Variants in VWA8 observed in about 807,000 individuals in gnomAD.
VWA8 encodes the protein von Willebrand factor A domain-containing protein 8.
A neutral mutation model predicts 241.5 loss-of-function variants in VWA8; 221 were observed. The observed-to-expected ratio is 0.91, with a 90% CI of 0.82 to 1.02. The LOEUF (loss-of-function observed/expected upper bound fraction) is 1.02. VWA8 is among the 50% of genes least tolerant of loss of function. The pLI, the probability that VWA8 is intolerant of heterozygous loss-of-function variation, is 0.00. For missense variants in VWA8, 2,322 were observed against 2,328.7 expected, an observed-to-expected ratio of 1.00 and a Z score of 0.06; for synonymous variants, 852 against 827.1, an observed-to-expected ratio of 1.03 and a Z score of -0.52.
At chr13:41,697,585 T>A (rs1352505196) in intron 29 of VWA8, among the ~76,000 whole-genome samples, 1 of 152,146 alleles carries the variant, frequency 6.6e-6, no homozygotes, top group Non-Finnish European at 1.5e-5. Flanking sequence ...TCATCAGGCA[T>A]TAGATTCTTA....
intron 19 of VWA8, among the ~76,000 whole-genome samples, chr13:41,781,255 T>C (rs1376724936): frequency 2.0e-5 from 3 of 152,104 alleles, no homozygotes; most frequent in African/African-American, 7.2e-5. Context: ...TTGGCACTCT[T>C]CCACTTGCAA....
At chr13:41,723,413 C>T (rs1486858247) in intron 24 of VWA8, among the ~76,000 whole-genome samples, 1 of 152,176 alleles carries the variant, frequency 6.6e-6, no homozygotes, top group Non-Finnish European at 1.5e-5. Context: ...CTGTGGCAGG[C>T]TAACTTGTTA....
intron 26 of VWA8, among the ~76,000 whole-genome samples, chr13:41,716,945 G>A (rs1297027530): frequency 6.6e-6 from 1 of 151,518 alleles, no homozygotes; most frequent in Non-Finnish European, 1.5e-5. Flanking sequence ...CTTTTTGGCG[G>A]TCTATGTGAT....
chr13:41,637,257 T>A (rs2044764474), intron 37 of VWA8, among the ~76,000 whole-genome samples: 1 of 151,534 alleles, frequency 6.6e-6, no homozygotes, highest in Non-Finnish European at 1.5e-5. Context: ...GTTCATGTCC[T>A]TTGTAGGGAC....
Position 41,841,861 on chromosome 13 carries a change from A to ATATATATG in VWA8, c.1426-8331_1426-8330insCATATATA, listed in dbSNP as rs1566478213. ...TATATATATATATATATATATATAA[A>ATATATATG]AACAGTAGACATTTAATATTTTTTC... On this transcript the variant is annotated intron_variant, in intron 12 of 44. Coordinates refer to ENST00000379310, the MANE Select transcript of VWA8 (RefSeq NM_015058.2). 5.7e-5 allele frequency among the ~76,000 whole-genome samples: 5 copies of ATATATATG among 87,024 alleles called. 1 individual carries two copies. The highest frequency in any genetic ancestry group is 1.7e-4 in the African/African-American group (3 of 17,500). The allele number at this position is 87,024 out of a possible 152,430, so 57.1% of individuals were successfully genotyped here.
chr13:41,784,729 TACACAC>T (rs1555335120), intron 18 of VWA8, among the ~76,000 whole-genome samples: 6 of 60,088 alleles, frequency 1.0e-4, no homozygotes, highest in African/African-American at 1.7e-4. Flanking sequence ...TATATATATA[TACACAC>T]ACATATATAT....
In VWA8 at chr13:41,647,583, T is replaced by C. The variant is rs1406304260; in HGVS notation, c.4611+23363A>G. Among the ~76,000 whole-genome samples the C allele has an allele frequency of 4.6e-5, 7 of 152,368 alleles. No individual in the cohort carries two copies. The South Asian group carries it at 1.0e-3, about 23-fold the overall frequency. On this transcript the variant is annotated intron_variant, in intron 37 of 44. Coordinates refer to ENST00000379310, the MANE Select transcript of VWA8 (RefSeq NM_015058.2). Reference sequence around the variant, plus strand: ...GTAAGTTCAGGGCACTGTGCTAGCATTGGGCATATGCTGATACACAAAACA... The same window carrying C: ...GTAAGTTCAGGGCACTGTGCTAGCACTGGGCATATGCTGATACACAAAACA...
chr13:41,870,190 G>C (rs1401059168), intron 9 of VWA8, among the ~76,000 whole-genome samples: 1 of 151,600 alleles, frequency 6.6e-6, no homozygotes, highest in African/African-American at 2.4e-5. Context: ...AATCCCCACA[G>C]TATCACATAA....
chr13:41,708,389 AG>A (rs2137834629), intron 26 of VWA8, among the ~76,000 whole-genome samples: 1 of 152,264 alleles, frequency 6.6e-6, no homozygotes, highest in African/African-American at 2.4e-5. Context: ...ATGTACTAAA[AG>A]AAAAAGCCAG....
chr13:41,907,263 C>T (rs1875764249), intron 4 of VWA8, among the ~76,000 whole-genome samples: 1 of 152,160 alleles, frequency 6.6e-6, no homozygotes, highest in Non-Finnish European at 1.5e-5. Context: ...AGAGAATCTC[C>T]TATATCAAAT....
intron 21 of VWA8, among the ~76,000 whole-genome samples, chr13:41,737,281 A>G (rs531266898): frequency 1.7e-4 from 26 of 152,376 alleles, no homozygotes; most frequent in African/African-American, 6.3e-4. Flanking sequence ...TATCAAGAAC[A>G]TAACTTTCAC....
intron 2 of VWA8, among the ~76,000 whole-genome samples, chr13:41,924,970 T>C (rs960467299): frequency 6.6e-6 from 1 of 151,024 alleles, no homozygotes; most frequent in Non-Finnish European, 1.5e-5. Flanking sequence ...ATGTACATTA[T>C]AATTAGTCTG....
chr13:41,928,485 T>C (rs1876951287), intron 2 of VWA8, among the ~76,000 whole-genome samples: 1 of 152,036 alleles, frequency 6.6e-6, no homozygotes, highest in South Asian at 2.1e-4. Context: ...TGAAACAACA[T>C]GCTCTTGAAC....
At chr13:41,631,836 T>A (rs12877880) in intron 37 of VWA8, among the ~76,000 whole-genome samples, 4,929 of 152,268 alleles carry the variant, frequency 0.032, 90 homozygotes, top group South Asian at 0.077. Context: ...TGCAAACAAT[T>A]GGCACAGCAC....
At chr13:41,674,424 G>C (rs1004083592) in intron 36 of VWA8, among the ~76,000 whole-genome samples, 1 of 152,172 alleles carries the variant, frequency 6.6e-6, no homozygotes, top group Non-Finnish European at 1.5e-5. Flanking sequence ...GAGTACATGA[G>C]AGGAGCAGAT....
intron 23 of VWA8, 112 bp downstream of exon 23, chr13:41,729,430 T>C: frequency 1.9e-6 from 2 of 1,060,042 alleles, no homozygotes; most frequent in Non-Finnish European, 2.6e-6. Flanking sequence ...ACTTAAGTCA[T>C]ATTGAACTTA....
chr13:41,951,929 T>G (rs553165598), intron 1 of VWA8, among the ~76,000 whole-genome samples: 1 of 152,282 alleles, frequency 6.6e-6, no homozygotes, highest in South Asian at 2.1e-4. Context: ...AGATAAGGAC[T>G]ACACACAAAG....
intron 17 of VWA8, among the ~76,000 whole-genome samples, chr13:41,805,775 T>C (rs925553676): frequency 4.0e-5 from 6 of 151,752 alleles, no homozygotes; most frequent in Non-Finnish European, 7.4e-5. Flanking sequence ...GATTGCGCCA[T>C]TGCACTCCAG....
intron 29 of VWA8, chr13:41,695,963 T>C (rs1274388060): frequency 2.0e-5 from 3 of 152,240 alleles, no homozygotes; most frequent in East Asian, 1.9e-4. Flanking sequence ...GACAGTTAAT[T>C]TGACAGCTGA....
Sources: allele counts gnomAD v4.1 joint callset (sites outside exome capture counted in the v4.1 genomes callset), GRCh38; gene constraint gnomAD v4.1.1; transcripts MANE v1.5; gene names NCBI Gene and HGNC (gene_info 2026-07-23, HGNC 2026-07-21).